HIP1: variants seen among roughly 807,000 people sequenced by gnomAD.
HIP1 encodes huntingtin-interacting protein 1.
In HIP1, 65 loss-of-function variants were observed where a neutral mutation model predicts 147.6. That is an observed-to-expected ratio of 0.44 (90% CI 0.36 to 0.54). The LOEUF is 0.54. Among genes scored for constraint, HIP1 ranks in the 20% least tolerant of loss-of-function variants. The pLI is 0.00. For synonymous variants in HIP1, 479 were observed against 504.0 expected, an observed-to-expected ratio of 0.95 and a Z score of 0.67; for missense variants, 1,061 against 1,299.6, an observed-to-expected ratio of 0.82 and a Z score of 2.82.
rs1795246290 is a variant in HIP1 at position 75,562,057 on chromosome 7, C to G, written c.1118+16G>C. 6 of 1,520,644 alleles carry G rather than the reference C, an allele frequency of 3.9e-6. No individual in the cohort carries two copies. The highest frequency in any genetic ancestry group is 1.4e-5 in the African/African-American group (1 of 73,034). The allele number at this position is 1,520,644 out of a possible 1,614,324, so 94.2% of individuals were successfully genotyped here. ...TTAGCTCCTGAACCATCTGCTTGAACCCAGCTTGGACTCACTTCTCATCCT... is the reference window on the plus strand; with the variant it reads ...TTAGCTCCTGAACCATCTGCTTGAAGCCAGCTTGGACTCACTTCTCATCCT... On this transcript the variant is annotated intron_variant, in intron 12 of 30. Transcript: ENST00000336926.
intron 1 of HIP1, among the ~76,000 whole-genome samples, chr7:75,619,593 G>A (rs1797777906): frequency 6.6e-6 from 1 of 151,824 alleles, no homozygotes; most frequent in African/African-American, 2.4e-5. Context: ...GTGGAAATGT[G>A]AAGAATGAAG....
intron 1 of HIP1, among the ~76,000 whole-genome samples, chr7:75,684,062 T>G (rs1554517264): frequency 6.6e-6 from 1 of 151,818 alleles, no homozygotes; most frequent in Non-Finnish European, 1.5e-5. Context: ...GAGGATTGCA[T>G]GAGACCAGGA....
intron 1 of HIP1, among the ~76,000 whole-genome samples, chr7:75,607,227 T>TTTTC (rs1797258895): frequency 7.3e-6 from 1 of 137,860 alleles, no homozygotes. Context: ...AGTTGTTTTT[T>TTTTC]GTTTTGTTTT....
intron 1 of HIP1, among the ~76,000 whole-genome samples, chr7:75,724,879 A>C (rs1371746592): frequency 6.6e-6 from 1 of 152,162 alleles, no homozygotes; most frequent in East Asian, 1.9e-4. Flanking sequence ...TGGTTCATAA[A>C]TCAAACGCTC....
At chr7:75,677,188 T>G (rs1799923112) in intron 1 of HIP1, among the ~76,000 whole-genome samples, 1 of 149,616 alleles carries the variant, frequency 6.7e-6, no homozygotes, top group African/African-American at 2.5e-5. Context: ...AGAATGAAAC[T>G]CCATCTCAAA....
chr7:75,703,759 T>C (rs935698494), intron 1 of HIP1, among the ~76,000 whole-genome samples: 12 of 152,094 alleles, frequency 7.9e-5, no homozygotes, highest in Non-Finnish European at 1.5e-5. Flanking sequence ...AAACATAAAG[T>C]AGATCGATCA....
chr7:75,540,066 T>C (rs1563186965), intron 29 of HIP1, among the ~76,000 whole-genome samples: 1 of 152,276 alleles, frequency 6.6e-6, no homozygotes, highest in Middle Eastern at 3.4e-3. Flanking sequence ...AATCTTACTA[T>C]AAAGGAAAGG....
At chr7:75,604,567 G>A (rs1009716703) in intron 1 of HIP1, among the ~76,000 whole-genome samples, 2 of 152,144 alleles carry the variant, frequency 1.3e-5, no homozygotes, top group African/African-American at 2.4e-5. Flanking sequence ...TCTGGAGACT[G>A]AGGTGGGAGG....
intron 1 of HIP1, among the ~76,000 whole-genome samples, chr7:75,687,487 T>A (rs1800301689): frequency 6.6e-6 from 1 of 151,988 alleles, no homozygotes. Context: ...AGGTCAGGAG[T>A]TCGAGACCAG....
intron 1 of HIP1, among the ~76,000 whole-genome samples, chr7:75,634,321 G>A (rs1798346757): frequency 6.6e-6 from 1 of 151,636 alleles, no homozygotes; most frequent in South Asian, 2.1e-4. Flanking sequence ...TCCACATATA[G>A]ACACTCATCC....
At chr7:75,574,076 CATTAAACAGGTG>C (rs1795746507) in intron 7 of HIP1, among the ~76,000 whole-genome samples, 175 bp from the exon 8 acceptor site, 1 of 152,112 alleles carries the variant, frequency 6.6e-6, no homozygotes, top group Non-Finnish European at 1.5e-5. Flanking sequence ...AACGTATCCC[CATTAAACAGGTG>C]AAGAAACAGA....
intron 8 of HIP1, among the ~76,000 whole-genome samples, chr7:75,571,378 C>T (rs1554496616): frequency 6.6e-6 from 1 of 152,184 alleles, no homozygotes. Context: ...GCCCACTCCA[C>T]CCTCTCAGCT....
At chr7:75,555,979 C>T in intron 18 of HIP1, 47 bp downstream of exon 18, 5 of 1,605,478 alleles carry the variant, frequency 3.1e-6, no homozygotes, top group Non-Finnish European at 4.3e-6. Context: ...CAGAGGCCCT[C>T]GGTGGGAATT....
intron 1 of HIP1, among the ~76,000 whole-genome samples, chr7:75,687,409 G>A (rs1800297580): frequency 6.6e-6 from 1 of 152,110 alleles, no homozygotes; most frequent in Admixed American, 6.6e-5. Context: ...AAACACATCT[G>A]GGCCGGGCAC....
intron 1 of HIP1, among the ~76,000 whole-genome samples, chr7:75,692,963 G>A (rs966408568): frequency 2.0e-5 from 3 of 151,272 alleles, no homozygotes; most frequent in Non-Finnish European, 4.4e-5. Context: ...TCAGGAGTTC[G>A]AGACCAGCCT....
intron 1 of HIP1, among the ~76,000 whole-genome samples, chr7:75,706,552 G>A (rs1554519769): frequency 7.4e-6 from 1 of 134,742 alleles, no homozygotes; most frequent in African/African-American, 3.0e-5. Flanking sequence ...TAGGGTACAT[G>A]TGCACAACGT....
chr7:75,610,609 C>T (rs1342937019), intron 1 of HIP1, among the ~76,000 whole-genome samples: 1 of 151,834 alleles, frequency 6.6e-6, no homozygotes, highest in Admixed American at 6.6e-5. Context: ...GCACAAGGAC[C>T]CTGCCTTCTC....
chr7:75,738,715 C>A, intron 1 of HIP1, 86 bp downstream of exon 1: 1 of 1,461,320 alleles, frequency 6.8e-7, no homozygotes, highest in Non-Finnish European at 9.3e-7. Flanking sequence ...CTGGGGCCTG[C>A]AAGACTCCTA....
chr7:75,548,465 CT>C lies in HIP1; in HGVS notation c.2406+425del, dbSNP rs1294756749. ...CTAGCGAGTTCAGATTTTGGTCTCTCTTTTTTTTTTTTATAATTTAAAAACA... is the reference window on the plus strand; with the variant it reads ...CTAGCGAGTTCAGATTTTGGTCTCTCTTTTTTTTTTTATAATTTAAAAACA... On this transcript the variant is annotated intron_variant, in intron 23 of 30. Transcript: ENST00000336926. Among the ~76,000 whole-genome samples, 455 of 145,330 alleles carry C rather than the reference CT, an allele frequency of 3.1e-3. 3 individuals carry two copies. Among genetic ancestry groups the C allele is most frequent in the African/African-American group, 8.2e-3 (328 of 39,986 alleles).
Sources: allele counts gnomAD v4.1 joint callset (sites outside exome capture counted in the v4.1 genomes callset), GRCh38; gene constraint gnomAD v4.1.1; transcripts MANE v1.5; gene names NCBI Gene and HGNC (gene_info 2026-07-23, HGNC 2026-07-21).